Variants in LRIG1 observed in about 807,000 individuals in gnomAD.
LRIG1 encodes the protein leucine-rich repeats and immunoglobulin-like domains protein 1.
In LRIG1, 48 loss-of-function variants were observed where a neutral mutation model predicts 99.2. The observed-to-expected ratio is 0.48, with a 90% CI of 0.38 to 0.62. LRIG1 has a LOEUF of 0.62. Ranked by LOEUF, LRIG1 falls within the 20% of genes least tolerant of loss-of-function variation. The pLI, the probability that LRIG1 is intolerant of heterozygous loss-of-function variation, is 0.00. For synonymous variants in LRIG1, 772 were observed against 596.1 expected, an observed-to-expected ratio of 1.29 and a Z score of -4.30; for missense variants, 1,646 against 1,434.4, an observed-to-expected ratio of 1.15 and a Z score of -2.38.
intron 2 of LRIG1, among the ~76,000 whole-genome samples, chr3:66,460,549 A>C (rs913776581): frequency 6.6e-6 from 1 of 152,240 alleles, no homozygotes; most frequent in African/African-American, 2.4e-5. Context: ...ATCTGGACAC[A>C]CACAGAGACA....
chr3:66,450,212 G>C (rs917155719), intron 3 of LRIG1, among the ~76,000 whole-genome samples: 2 of 152,160 alleles, frequency 1.3e-5, no homozygotes, highest in Non-Finnish European at 2.9e-5. Flanking sequence ...GCACTTCACA[G>C]AAACAGAGAC....
intron 3 of LRIG1, among the ~76,000 whole-genome samples, chr3:66,421,013 G>A (rs1702791125): frequency 6.6e-6 from 1 of 152,152 alleles, no homozygotes; most frequent in Non-Finnish European, 1.5e-5. Context: ...GGAAACTCCT[G>A]TTTTTAAAAC....
chr3:66,421,526 G>A (rs577002573), intron 3 of LRIG1, among the ~76,000 whole-genome samples: 1 of 152,206 alleles, frequency 6.6e-6, no homozygotes, highest in Non-Finnish European at 1.5e-5. Context: ...CAAGACGTGG[G>A]TTCCCATGGT....
intron 2 of LRIG1, among the ~76,000 whole-genome samples, chr3:66,454,780 G>T (rs1173653849): frequency 2.0e-5 from 3 of 152,110 alleles, no homozygotes; most frequent in Non-Finnish European, 2.9e-5. Flanking sequence ...GGACCTTCTG[G>T]TCCCTCACCT....
At position 66,407,445 on chromosome 3, in the gene LRIG1, C is replaced by T; in HGVS notation, c.982G>A (p.Ala328Thr). The change falls in exon 8 of 19, where the codon GCC becomes ACC. Residue 328 changes from alanine to threonine, a missense_variant. Physicochemically the swap from Ala to Thr is moderately conservative, Grantham distance 58 (BLOSUM62 0). Coordinates refer to ENST00000273261, the MANE Select transcript of LRIG1 (RefSeq NM_015541.3). Reference protein sequence around the residue: ...NLTRLDEESLAELSSLSVLRL... With the variant: ...NLTRLDEESLTELSSLSVLRL... ...AGGACACTCAGGCTGCTCAGCTCGG[C>T]CAGGCTCTCCTCGTCCAGCCGTGTC... 6.2e-7 allele frequency: 1 copy of T among 1,613,990 alleles called. No homozygotes were observed. Among genetic ancestry groups the T allele is most frequent in the Non-Finnish European group, 8.5e-7 (1 of 1,180,018 alleles).
At chr3:66,405,358 GA>G (rs1702229025) in intron 8 of LRIG1, 80 bp from the exon 9 acceptor site, 1 of 1,145,870 alleles carries the variant, frequency 8.7e-7, no homozygotes, top group East Asian at 2.4e-5. Flanking sequence ...CTGCTGCTCG[GA>G]AGCTGAAGTC....
intron 2 of LRIG1, among the ~76,000 whole-genome samples, chr3:66,451,875 G>A (rs1575702596): frequency 6.6e-6 from 1 of 152,172 alleles, no homozygotes; most frequent in African/African-American, 2.4e-5. Flanking sequence ...AGCATCTCCT[G>A]TCTCCCATCA....
At chr3:66,486,997 C>T (rs1700989533) in intron 1 of LRIG1, among the ~76,000 whole-genome samples, 1 of 152,166 alleles carries the variant, frequency 6.6e-6, no homozygotes, top group Non-Finnish European at 1.5e-5. Flanking sequence ...ATCTGCTTTG[C>T]TCAACAAAGT....
intron 1 of LRIG1, among the ~76,000 whole-genome samples, chr3:66,476,055 G>A (rs900983678): frequency 6.6e-5 from 10 of 152,162 alleles, no homozygotes; most frequent in Admixed American, 1.3e-4. Flanking sequence ...GGAATAAAGC[G>A]TACAATGTAT....
intron 9 of LRIG1, among the ~76,000 whole-genome samples, chr3:66,403,441 G>T (rs918049288): frequency 6.6e-6 from 1 of 152,226 alleles, no homozygotes; most frequent in Middle Eastern, 3.4e-3. Context: ...TGCTGACTCA[G>T]TGGCTGGGTG....
At chr3:66,431,791 C>T (rs1464680518) in intron 3 of LRIG1, among the ~76,000 whole-genome samples, 1 of 152,212 alleles carries the variant, frequency 6.6e-6, no homozygotes, top group East Asian at 1.9e-4. Context: ...ACCCTTCCAT[C>T]TCAGCCTTGG....
intron 2 of LRIG1, among the ~76,000 whole-genome samples, chr3:66,452,139 A>G (rs1703925639): frequency 6.6e-6 from 1 of 151,800 alleles, no homozygotes; most frequent in African/African-American, 2.4e-5. Context: ...AGGGAACTGG[A>G]CTCAGAGACT....
At position 66,417,927 on chromosome 3, in the gene LRIG1, G is replaced by A. The variant is rs186263622; in HGVS notation, c.366-661C>T. Among the ~76,000 whole-genome samples, 11 of 152,178 alleles carry A rather than the reference G, an allele frequency of 7.2e-5. No individual in the cohort carries two copies. In the South Asian group the frequency reaches 1.5e-3, roughly 20 times the overall value. ...CCATTAATATTAAGCATTGTGCCTC[G>A]GTTTTCTCATTTGGAAGATGGGGCC... On this transcript the variant is annotated intron_variant, in intron 3 of 18. Transcript: ENST00000273261.
chr3:66,427,299 G>A (rs1427853157), intron 3 of LRIG1, among the ~76,000 whole-genome samples: 1 of 152,184 alleles, frequency 6.6e-6, no homozygotes, highest in Non-Finnish European at 1.5e-5. Flanking sequence ...TGCCTTCTGA[G>A]GCTACAGTGT....
Position 66,384,049 on chromosome 3 carries a change from G to A in LRIG1, c.2013C>T (p.Ser671=). ...DVKIDDAGVY[S]CTAQNSAGSI... ...AACCGGCTGAGTTCTGAGCAGTACAGCTGTAAACCCCTGCGTCATCTATTT... is the reference window on the plus strand; with the variant it reads ...AACCGGCTGAGTTCTGAGCAGTACAACTGTAAACCCCTGCGTCATCTATTT... The change falls in exon 14 of 19, where the codon AGC becomes AGT. Residue 671 remains serine (S), a synonymous_variant. Transcript: ENST00000273261. The A allele has an allele frequency of 3.7e-6, 6 of 1,614,074 alleles. No homozygotes were observed. The highest frequency in any genetic ancestry group is 5.1e-6 in the Non-Finnish European group (6 of 1,180,028).
At chr3:66,490,887 G>A (rs2106923351) in intron 1 of LRIG1, among the ~76,000 whole-genome samples, 1 of 152,258 alleles carries the variant, frequency 6.6e-6, no homozygotes, top group African/African-American at 2.4e-5. Context: ...GAATTTGGAG[G>A]ACTAGTAATT....
At chr3:66,460,580 G>A (rs1178779616) in intron 2 of LRIG1, among the ~76,000 whole-genome samples, 2 of 152,234 alleles carry the variant, frequency 1.3e-5, no homozygotes, top group Non-Finnish European at 2.9e-5. Context: ...ACACAGAGGA[G>A]AGACCACGTG....
Position 66,397,678 on chromosome 3 carries a change from G to A in LRIG1, c.1304+434C>T, listed in dbSNP as rs369764285. Among the ~76,000 whole-genome samples the A allele has an allele frequency of 8.5e-4, 129 of 152,302 alleles. 1 individual carries two copies. The highest frequency in any genetic ancestry group is 2.9e-3 in the African/African-American group (121 of 41,564). On this transcript the variant is annotated intron_variant, in intron 11 of 18. Coordinates refer to ENST00000273261, the MANE Select transcript of LRIG1 (RefSeq NM_015541.3). ...CCCTAAGCATCCCATCCCCTCCAGA[G>A]CTCTGCCTTGCTCACAGCCCACCAG...
At chr3:66,467,567 T>C (rs992099692) in intron 1 of LRIG1, among the ~76,000 whole-genome samples, 8 of 151,950 alleles carry the variant, frequency 5.3e-5, no homozygotes, top group Non-Finnish European at 1.2e-4. Context: ...TTCACCGTGT[T>C]AGCCAGGATG....
Sources: allele counts gnomAD v4.1 joint callset (sites outside exome capture counted in the v4.1 genomes callset), GRCh38; gene constraint gnomAD v4.1.1; transcripts MANE v1.5; gene names NCBI Gene and HGNC (gene_info 2026-07-23, HGNC 2026-07-21).